Variants in HEG1 observed in about 807,000 individuals in gnomAD.
The protein encoded by HEG1 is heart development protein with EGF like domains 1, also known as protein HEG homolog 1.
HEG1 carries 56 observed loss-of-function variants against 125.6 expected under a neutral mutation model. The observed-to-expected ratio is 0.45, with a 90% CI of 0.36 to 0.56. The LOEUF (loss-of-function observed/expected upper bound fraction) is 0.56. Among genes scored for constraint, HEG1 ranks in the 20% least tolerant of loss-of-function variants. The pLI, the probability that HEG1 is intolerant of heterozygous loss-of-function variation, is 0.00. For synonymous variants in HEG1, 644 were observed against 668.5 expected (o/e 0.96, Z 0.57); for missense variants, 1,523 against 1,670.0 (o/e 0.91, Z 1.53).
At chr3:125,040,488 G>C (rs1038494724) in intron 1 of HEG1, among the ~76,000 whole-genome samples, 1 of 152,178 alleles carries the variant, frequency 6.6e-6, no homozygotes, top group Non-Finnish European at 1.5e-5. Flanking sequence ...TTCCAGAACA[G>C]TAAGACACTG....
Position 124,966,092 on chromosome 3 carries a change from G to A in HEG1, c.*4560C>T, listed in dbSNP as rs539259371. The A allele has an allele frequency of 6.6e-5, 10 of 152,224 alleles. No individual in the cohort carries two copies. Among genetic ancestry groups the A allele is most frequent in the Non-Finnish European group, 1.2e-4 (8 of 68,040 alleles). 9.4% of individuals were successfully genotyped at this position (152,224 alleles called of 1,614,324 possible). A position where few individuals can be genotyped will look rare whatever the true frequency, so the allele number is the denominator to read the frequency against. On this transcript the variant is annotated 3_prime_UTR_variant, in exon 17 of 17. Coordinates refer to ENST00000311127, the MANE Select transcript of HEG1 (RefSeq NM_020733.2). ...CCAAGGTTAATACAGAAAGGTAAAT[G>A]ATTCGGATTAGTTTCCCAGGCAGAA...
intron 14 of HEG1, among the ~76,000 whole-genome samples, chr3:124,987,271 A>G (rs2107690558): frequency 6.6e-6 from 1 of 152,300 alleles, no homozygotes; most frequent in African/African-American, 2.4e-5. Context: ...AGCTCATTCT[A>G]TGAGAGGCCT....
chr3:125,024,746 T>A (rs568677697), intron 3 of HEG1, among the ~76,000 whole-genome samples: 1 of 152,258 alleles, frequency 6.6e-6, no homozygotes, highest in African/African-American at 2.4e-5. Context: ...TGTAGCTGAG[T>A]GAAGAGTGAA....
chr3:125,027,373 G>C lies in HEG1; in HGVS notation c.745C>G (p.His249Asp), dbSNP rs199907185. ...AMGLSEEWTV[H>D]SQEATTSAWS... is the part of the protein sequence containing the mutation. ...GCCGAAGTGGTGGCCTCTTGGCTGTGCACAGTCCATTCTTCTGACAGCCCC... is the reference window on the plus strand; with the variant it reads ...GCCGAAGTGGTGGCCTCTTGGCTGTCCACAGTCCATTCTTCTGACAGCCCC... The change falls in exon 3 of 17, where the codon CAC becomes GAC. Residue 249 changes from histidine (H) to aspartate (D), a missense_variant. Physicochemically the swap from His to Asp is moderately conservative, Grantham distance 81. Transcript: ENST00000311127. 2.5e-6 allele frequency: 4 copies of C among 1,613,890 alleles called. No homozygotes were observed. The Admixed American group carries it at 5.0e-5, about 20-fold the overall frequency.
intron 1 of HEG1, among the ~76,000 whole-genome samples, chr3:125,035,868 T>C (rs140974868): frequency 8.2e-4 from 125 of 152,254 alleles, no homozygotes; most frequent in African/African-American, 2.9e-3. Context: ...TAGAATCATG[T>C]TGCATAGCAG....
intron 15 of HEG1, among the ~76,000 whole-genome samples, chr3:124,977,109 C>T (rs957996850): frequency 5.9e-5 from 9 of 151,858 alleles, no homozygotes; most frequent in South Asian, 2.1e-4. Flanking sequence ...TGGTTCTATA[C>T]GGGGGAGTTT....
Position 125,029,526 on chromosome 3 carries a change from G to GTCT in HEG1, c.317-39_317-38insAGA, listed in dbSNP as rs778794584. The stretch of plus-strand genomic sequence containing the variant: ...GAGGATGCATCAGGGAGAGTTTGCT[G>GTCT]GCTTCTGACAAGAAAAGTAAACCTT... On this transcript the variant is annotated intron_variant, in intron 1 of 16. Coordinates refer to ENST00000311127, the MANE Select transcript of HEG1 (RefSeq NM_020733.2). The GTCT allele has an allele frequency of 5.1e-6, 8 of 1,562,056 alleles. No homozygotes were observed. In the South Asian group the frequency reaches 9.3e-5, roughly 18 times the overall value.
chr3:125,011,613 A>C (rs906749242), intron 6 of HEG1, among the ~76,000 whole-genome samples: 2 of 152,160 alleles, frequency 1.3e-5, no homozygotes, highest in African/African-American at 2.4e-5. Flanking sequence ...CAGATCACTG[A>C]TACAAAGGGG....
At position 124,967,601 on chromosome 3, in the gene HEG1, G is replaced by C. The variant is rs946706066; in HGVS notation, c.*3051C>G. 6.6e-6 allele frequency: 1 copy of C among 152,030 alleles called. No individual in the cohort carries two copies. Among genetic ancestry groups the C allele is most frequent in the African/African-American group, 2.4e-5 (1 of 41,364 alleles). 9.4% of individuals were successfully genotyped at this position (152,030 alleles called of 1,614,324 possible). A position where few individuals can be genotyped will look rare whatever the true frequency, so the allele number is the denominator to read the frequency against. ...ATATTTAAGGTATACAGGATGGTGA[G>C]GGGTGTGCCAGGACAGTAAGGCAGG... On this transcript the variant is annotated 3_prime_UTR_variant, in exon 17 of 17. Transcript: ENST00000311127.
chr3:125,023,845 G>A (rs944799216), intron 3 of HEG1, among the ~76,000 whole-genome samples: 2 of 152,136 alleles, frequency 1.3e-5, no homozygotes, highest in Non-Finnish European at 2.9e-5. Context: ...ATGCCTACTC[G>A]TCTGCTAAAA....
intron 11 of HEG1, among the ~76,000 whole-genome samples, chr3:125,001,349 A>C (rs966442695): frequency 6.6e-6 from 1 of 151,960 alleles, no homozygotes; most frequent in Non-Finnish European, 1.5e-5. Context: ...GCAGTGGTGC[A>C]ATCATAGCTC....
intron 11 of HEG1, among the ~76,000 whole-genome samples, chr3:125,000,997 TCTC>T (rs1337616963): frequency 6.6e-6 from 1 of 152,206 alleles, no homozygotes; most frequent in African/African-American, 2.4e-5. Context: ...AGGTGAAACT[TCTC>T]CTCTAAGACC....
chr3:125,042,464 T>C (rs181131184), intron 1 of HEG1, among the ~76,000 whole-genome samples: 40 of 152,302 alleles, frequency 2.6e-4, no homozygotes, highest in African/African-American at 8.9e-4. Context: ...ATGTATTTAC[T>C]GAGCACCAAC....
chr3:125,014,565 G>T, intron 5 of HEG1: 1 of 547,800 alleles, frequency 1.8e-6, no homozygotes, highest in Non-Finnish European at 2.6e-6. Context: ...TCACCTTCCT[G>T]AGGTGGGAGA....
In HEG1 at chr3:125,019,515, T is replaced by C; in HGVS notation, c.1335A>G (p.Ser445=). 1 of 1,613,972 alleles carries C rather than the reference T, an allele frequency of 6.2e-7. No individual in the cohort carries two copies. Among genetic ancestry groups the C allele is most frequent in the Non-Finnish European group, 8.5e-7 (1 of 1,179,848 alleles). Reference sequence around the variant, plus strand: ...TCTCTCCACCTCTCATGGGTGCGACTGACCTAGACACAGTCTCAGTCTGAG... The same window carrying C: ...TCTCTCCACCTCTCATGGGTGCGACCGACCTAGACACAGTCTCAGTCTGAG... ...PMSQTETVSR[S]VAPMRGGEIT... The change falls in exon 5 of 17, where the codon TCA becomes TCG. Residue 445 remains serine, a synonymous_variant. Transcript: ENST00000311127.
chr3:125,037,104 T>C (rs965292381), intron 1 of HEG1, among the ~76,000 whole-genome samples: 45 of 152,356 alleles, frequency 3.0e-4, no homozygotes, highest in Admixed American at 6.5e-4. Context: ...TTTTAAAGGA[T>C]TGACCAAAAT....
At chr3:124,984,310 T>A (rs1936704450) in intron 14 of HEG1, among the ~76,000 whole-genome samples, 1 of 152,072 alleles carries the variant, frequency 6.6e-6, no homozygotes, top group Non-Finnish European at 1.5e-5. Context: ...AGGGGTCTCC[T>A]CTGAAGAGGT....
chr3:125,007,193 C>T (rs1344418635), intron 8 of HEG1, among the ~76,000 whole-genome samples: 2 of 126,808 alleles, frequency 1.6e-5, no homozygotes, highest in African/African-American at 3.3e-5. Flanking sequence ...AGCGAGACTC[C>T]GTCTCAAAAA....
At chr3:125,040,387 G>T (rs1463890698) in intron 1 of HEG1, among the ~76,000 whole-genome samples, 1 of 152,172 alleles carries the variant, frequency 6.6e-6, no homozygotes. Context: ...GAGGAAGGCA[G>T]TGAGACCAGC....
Sources: gnomAD v4.1 joint callset for allele counts (sites outside exome capture counted in the v4.1 genomes callset) on GRCh38, gnomAD v4.1.1 for gene constraint, MANE v1.5 for transcripts, NCBI Gene and HGNC (gene_info 2026-07-23, HGNC 2026-07-21) for gene names.